The following AGBL2 variants were observed in gnomAD, a reference collection of about 807,000 sequenced individuals.
AGBL2 encodes the protein cytosolic carboxypeptidase 2.
A neutral mutation model predicts 103.0 loss-of-function variants in AGBL2; 87 were observed. The observed-to-expected ratio is 0.84, with a 90% CI of 0.71 to 1.01. The LOEUF (loss-of-function observed/expected upper bound fraction) is 1.01, where lower values mean the gene tolerates loss of function less well. Ranked by LOEUF, AGBL2 falls within the 50% of genes least tolerant of loss-of-function variation. AGBL2 has a pLI of 0.00. For synonymous variants in AGBL2, 335 were observed against 356.7 expected (o/e 0.94, Z 0.69); for missense variants, 904 against 1,023.5 (o/e 0.88, Z 1.59).
intron 14 of AGBL2, among the ~76,000 whole-genome samples, chr11:47,675,701 T>TGA (rs1450185633): frequency 1.3e-5 from 2 of 152,054 alleles, no homozygotes; most frequent in Admixed American, 6.6e-5. Flanking sequence ...CATCTAGTGT[T>TGA]AAGGTTTAAA....
chr11:47,666,553 G>A (rs920130844), intron 17 of AGBL2: 4 of 396,698 alleles, frequency 1.0e-5, no homozygotes, highest in East Asian at 9.1e-5. Flanking sequence ...TGAAGTCCCC[G>A]AGGCAGGGAT....
intron 8 of AGBL2, among the ~76,000 whole-genome samples, chr11:47,696,976 C>CTGAGTATAG (rs1465218874): frequency 6.6e-6 from 1 of 152,082 alleles, no homozygotes; most frequent in Non-Finnish European, 1.5e-5. Flanking sequence ...GTCACCCAGG[C>CTGAGTATAG]TGAGTATAGT....
At chr11:47,681,797 C>G (rs749150372) in intron 12 of AGBL2, among the ~76,000 whole-genome samples, 172 bp downstream of exon 12, 3 of 152,196 alleles carry the variant, frequency 2.0e-5, no homozygotes, top group Non-Finnish European at 4.4e-5. Context: ...CATACTGCCT[C>G]ATCAAATATA....
rs762952205 is a variant in AGBL2, at chr11:47,690,178, T to C, written c.1529A>G (p.Asn510Ser). 1.9e-6 allele frequency: 3 copies of C among 1,614,118 alleles called. No individual in the cohort carries two copies. In the South Asian group the frequency reaches 3.3e-5, roughly 18 times the overall value. ...CCTTCCGGCCAAGGAACACCGATAA[T>C]TCCCCACAATCACACCATCTGGATT... ...MLNPDGVIVG[N>S]YRCSLAGRDL... Residue 510 changes from asparagine to serine, a missense_variant, in exon 10 of 19, where the codon AAT becomes AGT. Asn to Ser is a conservative substitution (Grantham distance 46). Coordinates refer to ENST00000525123, the MANE Select transcript of AGBL2 (RefSeq NM_024783.4).
At position 47,659,872 on chromosome 11, in the gene AGBL2, T is replaced by C. The variant is rs2097323872; in HGVS notation, c.*301A>G. ...AATTTTAGAGAGAATATCTATTGGT[T>C]AAAATGAGGTATATCTGTGCTGCCA... is the stretch of plus-strand genomic sequence containing the variant. On this transcript the variant is annotated 3_prime_UTR_variant, in exon 19 of 19. Coordinates refer to ENST00000525123, the MANE Select transcript of AGBL2 (RefSeq NM_024783.4). 1 of 246,640 alleles carries C rather than the reference T, an allele frequency of 4.1e-6. No individual in the cohort carries two copies. Among genetic ancestry groups the C allele is most frequent in the Non-Finnish European group, 7.7e-6 (1 of 130,528 alleles). The allele number at this position is 246,640 out of a possible 1,614,324, so 15.3% of individuals were successfully genotyped here.
At chr11:47,666,201 C>T (rs2097340861) in intron 17 of AGBL2, among the ~76,000 whole-genome samples, 1 of 151,700 alleles carries the variant, frequency 6.6e-6, no homozygotes, top group Non-Finnish European at 1.5e-5. Context: ...TGAGACCAGC[C>T]TGGGCAACAT....
chr11:47,710,411 C>G lies in AGBL2; in HGVS notation c.198G>C (p.Leu66Phe), dbSNP rs139962624. ...TCTCCTTTTGCAGGGTGTCTGGTAT[C>G]AAATCATCTTTTTCCCCAAGAGAGC... ...LNGSLGEKDD[L>F]IPDTLQKEKL... The change falls in exon 4 of 19, where the codon TTG (leucine) becomes TTC (phenylalanine). Residue 66 changes from leucine to phenylalanine, a missense_variant. Leu to Phe is a conservative substitution (Grantham distance 22). Transcript: ENST00000525123. The G allele has an allele frequency of 1.6e-3, 2,598 of 1,614,094 alleles. 28 individuals are homozygous for G. The Middle Eastern group carries it at 0.021, about 13-fold the overall frequency.
chr11:47,705,684 A>C, intron 5 of AGBL2, 50 bp from the exon 6 acceptor site: 1 of 614,082 alleles, frequency 1.6e-6, no homozygotes. Context: ...AAAGGGAATG[A>C]GGAAAAAAGA....
intron 7 of AGBL2, among the ~76,000 whole-genome samples, chr11:47,701,960 G>A (rs11823949): frequency 0.29 from 41,313 of 142,446 alleles, 6,617 homozygotes; most frequent in Admixed American, 0.37. Context: ...GCGACAGAGC[G>A]AGACTCTGTT....
Position 47,677,274 on chromosome 11 carries a change from G to A in AGBL2, c.2144C>T (p.Ser715Phe), listed in dbSNP as rs2097379335. ...AACTCTGTTTTTTCTTTGTTACCTGGATTCAATGTCAGACAAAGAGATGTC... is the reference window on the plus strand; with the variant it reads ...AACTCTGTTTTTTCTTTGTTACCTGAATTCAATGTCAGACAAAGAGATGTC... ...WSDISLSDIE[S>F]STSGSDSSLS... Residue 715 changes from serine to phenylalanine, a missense_variant, in exon 14 of 19, where the codon TCC becomes TTC. Physicochemically the swap from Ser to Phe is radical, Grantham distance 155. Coordinates refer to ENST00000525123, the MANE Select transcript of AGBL2 (RefSeq NM_024783.4). 1 of 1,586,934 alleles carries A rather than the reference G, an allele frequency of 6.3e-7. No individual in the cohort carries two copies. The highest frequency in any genetic ancestry group is 8.5e-7 in the Non-Finnish European group (1 of 1,171,092).
At chr11:47,665,234 G>A (rs928546937) in intron 17 of AGBL2, among the ~76,000 whole-genome samples, 1 of 151,156 alleles carries the variant, frequency 6.6e-6, no homozygotes, top group African/African-American at 2.4e-5. Flanking sequence ...TTTAGTAGAG[G>A]TGGGGTTTCA....
intron 14 of AGBL2, 115 bp from the exon 15 acceptor site, chr11:47,669,022 A>G: frequency 1.5e-6 from 1 of 688,098 alleles, no homozygotes; most frequent in South Asian, 1.6e-5. Flanking sequence ...CTAGTCTACT[A>G]TTTCTCTCAT....
intron 14 of AGBL2, among the ~76,000 whole-genome samples, chr11:47,674,832 T>C (rs1166784586): frequency 1.3e-5 from 2 of 151,940 alleles, no homozygotes; most frequent in Admixed American, 1.3e-4. Flanking sequence ...GTCTCCGGGT[T>C]CCAGTGATTA....
intron 11 of AGBL2, among the ~76,000 whole-genome samples, chr11:47,683,645 G>T (rs912388959): frequency 1.3e-5 from 2 of 148,796 alleles, no homozygotes; most frequent in African/African-American, 2.5e-5. Flanking sequence ...GGTAGCTTGT[G>T]CCTGTAATCC....
At chr11:47,687,996 C>T (rs900519940) in intron 10 of AGBL2, among the ~76,000 whole-genome samples, 14 of 151,746 alleles carry the variant, frequency 9.2e-5, no homozygotes, top group Admixed American at 2.6e-4. Flanking sequence ...TTAGTAGAGA[C>T]GGGGTTTCAC....
rs750650579 is a variant in AGBL2 at position 47,710,925 on chromosome 11, GAA to G, written c.98-416_98-415del. The G allele has an allele frequency of 2.9e-3, 1,008 of 347,388 alleles. 3 individuals carry two copies. The highest frequency in any genetic ancestry group is 0.011 in the Middle Eastern group (13 of 1,190). 21.5% of individuals were successfully genotyped at this position (347,388 alleles called of 1,614,324 possible). On this transcript the variant is annotated intron_variant, in intron 3 of 18. Coordinates refer to ENST00000525123, the MANE Select transcript of AGBL2 (RefSeq NM_024783.4). Reference sequence around the variant, plus strand: ...ATCCTGTCTCAAAAAAAAAAAAAAAGAAAAAAAAAATTATGGCCCAAAGGTTT... The same window carrying G: ...ATCCTGTCTCAAAAAAAAAAAAAAAGAAAAAAAATTATGGCCCAAAGGTTT...
At chr11:47,713,176 C>T (rs1445335086) in intron 3 of AGBL2, among the ~76,000 whole-genome samples, 7 of 151,658 alleles carry the variant, frequency 4.6e-5, no homozygotes, top group Non-Finnish European at 5.9e-5. Context: ...CCCGTCTCTA[C>T]TACAAATACA....
intron 4 of AGBL2, among the ~76,000 whole-genome samples, chr11:47,706,922 C>A (rs1251911612): frequency 1.4e-5 from 2 of 143,588 alleles, no homozygotes; most frequent in Non-Finnish European, 3.0e-5. Flanking sequence ...AAGAATTAGC[C>A]GGGCCTGTAA....
chr11:47,706,736 G>A (rs1187250736), intron 4 of AGBL2, among the ~76,000 whole-genome samples: 2 of 151,542 alleles, frequency 1.3e-5, no homozygotes, highest in Non-Finnish European at 2.9e-5. Context: ...CATATGAAAA[G>A]GCTTTCTCTT....
Sources: allele counts gnomAD v4.1 joint callset (sites outside exome capture counted in the v4.1 genomes callset), GRCh38; gene constraint gnomAD v4.1.1; transcripts MANE v1.5; gene names NCBI Gene and HGNC (gene_info 2026-07-23, HGNC 2026-07-21).